CELF4: variants seen among roughly 807,000 people sequenced by gnomAD.
The protein encoded by CELF4 is CUGBP Elav-like family member 4.
Under a neutral mutation model 59.9 loss-of-function variants are expected in CELF4, and 18 were observed. That is an observed-to-expected ratio of 0.30 (90% CI 0.21 to 0.45). CELF4 has a LOEUF of 0.45. CELF4 is among the 20% of genes least tolerant of loss of function. The pLI is 1.00. For synonymous variants in CELF4, 261 were observed against 267.1 expected (o/e 0.98, Z 0.22); for missense variants, 456 against 689.0 (o/e 0.66, Z 3.79).
intron 2 of CELF4, among the ~76,000 whole-genome samples, chr18:37,467,571 A>T (rs1434101663): frequency 1.3e-5 from 2 of 152,190 alleles, no homozygotes; most frequent in East Asian, 3.9e-4. Context: ...ACAGGGGAGC[A>T]GGCAGAGGAG....
At chr18:37,403,841 C>G (rs1267041629) in intron 2 of CELF4, among the ~76,000 whole-genome samples, 1 of 152,150 alleles carries the variant, frequency 6.6e-6, no homozygotes, top group Non-Finnish European at 1.5e-5. Flanking sequence ...CTGCTCATAC[C>G]CTCTTCTGAG....
At chr18:37,542,270 A>C (rs2099978363) in intron 1 of CELF4, among the ~76,000 whole-genome samples, 1 of 152,254 alleles carries the variant, frequency 6.6e-6, no homozygotes, top group Non-Finnish European at 1.5e-5. Flanking sequence ...TAAACAAACA[A>C]TTCACTTTGG....
chr18:37,515,556 G>C (rs2099949733), intron 1 of CELF4, among the ~76,000 whole-genome samples: 1 of 152,214 alleles, frequency 6.6e-6, no homozygotes. Flanking sequence ...AGCGGAGGTT[G>C]CATCAAGACC....
intron 2 of CELF4, among the ~76,000 whole-genome samples, chr18:37,331,868 G>A (rs905307635): frequency 6.6e-6 from 1 of 152,156 alleles, no homozygotes; most frequent in African/African-American, 2.4e-5. Context: ...GGCAGGTGGA[G>A]GTGGGGAGGA....
At chr18:37,348,293 C>T (rs1318793335) in intron 2 of CELF4, among the ~76,000 whole-genome samples, 1 of 152,158 alleles carries the variant, frequency 6.6e-6, no homozygotes, top group Non-Finnish European at 1.5e-5. Flanking sequence ...TACACGCACA[C>T]ACTAGGCCCC....
intron 3 of CELF4, among the ~76,000 whole-genome samples, chr18:37,296,695 C>T (rs1314318076): frequency 6.6e-6 from 1 of 152,156 alleles, no homozygotes; most frequent in Admixed American, 6.5e-5. Context: ...GCAGTCCTCC[C>T]CAATCTTGAA....
chr18:37,365,865 T>C (rs528250070), intron 2 of CELF4, among the ~76,000 whole-genome samples: 4 of 152,294 alleles, frequency 2.6e-5, no homozygotes, highest in Non-Finnish European at 5.9e-5. Context: ...TAGTACAATA[T>C]GGACATAGTG....
At chr18:37,549,487 C>T (rs750488250) in intron 1 of CELF4, among the ~76,000 whole-genome samples, 4 of 152,200 alleles carry the variant, frequency 2.6e-5, no homozygotes, top group Non-Finnish European at 5.9e-5. Context: ...GCCCCTGATC[C>T]CTGATTCACT....
intron 2 of CELF4, among the ~76,000 whole-genome samples, chr18:37,342,082 A>T (rs2098068324): frequency 2.0e-5 from 3 of 152,042 alleles, no homozygotes; most frequent in African/African-American, 7.2e-5. Flanking sequence ...AGAACAGTGG[A>T]GCTCATCCTT....
At chr18:37,346,036 G>A (rs370491407) in intron 2 of CELF4, among the ~76,000 whole-genome samples, 2 of 152,272 alleles carry the variant, frequency 1.3e-5, no homozygotes, top group Middle Eastern at 3.4e-3. Context: ...TCCAAATGGC[G>A]CCCTCCTGGG....
chr18:37,524,986 C>T (rs1374145959), intron 1 of CELF4, among the ~76,000 whole-genome samples: 6 of 152,230 alleles, frequency 3.9e-5, no homozygotes, highest in Admixed American at 3.3e-4. Flanking sequence ...CTCGGCCCTC[C>T]CTTTCTTCTC....
chr18:37,373,851 C>T (rs2098933504), intron 2 of CELF4, among the ~76,000 whole-genome samples: 1 of 152,182 alleles, frequency 6.6e-6, no homozygotes, highest in African/African-American at 2.4e-5. Context: ...TGGGCAGGTA[C>T]AGGACCCATT....
chr18:37,472,324 C>A (rs756927957), intron 2 of CELF4, among the ~76,000 whole-genome samples: 1 of 152,248 alleles, frequency 6.6e-6, no homozygotes, highest in Non-Finnish European at 1.5e-5. Context: ...CTGCGGCCAG[C>A]CCTGCACTAG....
chr18:37,522,519 G>GCACA lies in CELF4; in HGVS notation c.287-36916_287-36913dup, dbSNP rs144071944. Among the ~76,000 whole-genome samples the GCACA allele has an allele frequency of 2.0e-5, 3 of 150,602 alleles. No individual in the cohort carries two copies. The East Asian group carries it at 5.8e-4, about 29-fold the overall frequency. On this transcript the variant is annotated intron_variant, in intron 1 of 12. Coordinates refer to ENST00000420428, the MANE Select transcript of CELF4 (RefSeq NM_020180.4). The stretch of plus-strand genomic sequence containing the variant: ...TGGATAGCTCTGTGTGTGTGAGCGC[G>GCACA]CACACACACACACACACGTGTGCAT...
intron 2 of CELF4, among the ~76,000 whole-genome samples, chr18:37,468,518 T>C (rs1405030634): frequency 6.6e-6 from 1 of 152,176 alleles, no homozygotes; most frequent in Non-Finnish European, 1.5e-5. Flanking sequence ...GCCACACCTA[T>C]ATCTGCCAAG....
intron 2 of CELF4, among the ~76,000 whole-genome samples, chr18:37,459,882 G>A (rs1364875554): frequency 6.6e-6 from 1 of 152,174 alleles, no homozygotes; most frequent in South Asian, 2.1e-4. Flanking sequence ...TGTGTGTGAA[G>A]ATGCTTTCTT....
intron 1 of CELF4, among the ~76,000 whole-genome samples, chr18:37,488,533 T>C (rs562262799): frequency 6.6e-6 from 1 of 152,300 alleles, no homozygotes; most frequent in East Asian, 1.9e-4. Flanking sequence ...TGGACTTCTA[T>C]AGTGGTGGCA....
chr18:37,557,997 CTTTTTTTTTT>C (rs34181233), intron 1 of CELF4, among the ~76,000 whole-genome samples: 2 of 100,766 alleles, frequency 2.0e-5, no homozygotes, highest in East Asian at 3.0e-4. Flanking sequence ...ATCCCTTTTA[CTTTTTTTTTT>C]TTTTTTTTTT....
rs917768469 is a variant in CELF4 at position 37,345,035 on chromosome 18, G to A, written c.370-23154C>T. 4.6e-5 allele frequency among the ~76,000 whole-genome samples: 7 copies of A among 152,242 alleles called. No homozygotes were observed. The East Asian group carries it at 1.3e-3, about 29-fold the overall frequency. On this transcript the variant is annotated intron_variant, in intron 2 of 12. Transcript: ENST00000420428. ...CCCAAGTCCATGTTTGCAGGATGTA[G>A]AATGTGCTGGGGTGGAGAATTGGAG... is the stretch of plus-strand genomic sequence containing the variant.
Sources: gnomAD v4.1 joint callset for allele counts (sites outside exome capture counted in the v4.1 genomes callset) on GRCh38, gnomAD v4.1.1 for gene constraint, MANE v1.5 for transcripts, NCBI Gene and HGNC (gene_info 2026-07-23, HGNC 2026-07-21) for gene names.